Variants in DOCK4 observed in about 807,000 individuals in gnomAD.
DOCK4 encodes the protein dedicator of cytokinesis 4, also known as dedicator of cytokinesis protein 4.
A neutral mutation model predicts 268.1 loss-of-function variants in DOCK4; 97 were observed. That is an observed-to-expected ratio of 0.36 (90% CI 0.31 to 0.43). The LOEUF is 0.43. Ranked by LOEUF, DOCK4 falls within the 20% of genes least tolerant of loss-of-function variation. The probability of loss-of-function intolerance (pLI) is 1.00; values close to 1 mark genes in which losing one functional copy is unlikely to be tolerated. For synonymous variants in DOCK4, 954 were observed against 887.2 expected, an observed-to-expected ratio of 1.08 and a Z score of -1.34; for missense variants, 2,145 against 2,455.7, an observed-to-expected ratio of 0.87 and a Z score of 2.67.
chr7:112,015,108 T>C (rs536451162), intron 1 of DOCK4, among the ~76,000 whole-genome samples: 3 of 152,214 alleles, frequency 2.0e-5, no homozygotes, highest in East Asian at 1.9e-4. Flanking sequence ...CATTAGGACA[T>C]TGCTGATAAA....
intron 1 of DOCK4, among the ~76,000 whole-genome samples, chr7:112,180,350 A>G (rs907962198): frequency 6.6e-6 from 1 of 152,146 alleles, no homozygotes; most frequent in East Asian, 1.9e-4. Flanking sequence ...GCTCCTTTAC[A>G]TGTAAAAATA....
intron 17 of DOCK4, among the ~76,000 whole-genome samples, chr7:111,875,336 TTC>T (rs1365572901): frequency 6.6e-6 from 1 of 152,210 alleles, no homozygotes; most frequent in Non-Finnish European, 1.5e-5. Flanking sequence ...CAGGATTTGT[TTC>T]TGTCTTATTT....
chr7:111,912,409 G>C (rs963457582), intron 13 of DOCK4, among the ~76,000 whole-genome samples: 2 of 152,056 alleles, frequency 1.3e-5, no homozygotes, highest in Non-Finnish European at 2.9e-5. Flanking sequence ...GTAGACAAAA[G>C]GGCAGAAGCT....
chr7:111,896,109 A>G (rs1373792341), intron 15 of DOCK4, among the ~76,000 whole-genome samples: 1 of 152,210 alleles, frequency 6.6e-6, no homozygotes, highest in African/African-American at 2.4e-5. Flanking sequence ...GAACAAGTGA[A>G]TGAATGAAAG....
At chr7:112,125,701 C>T (rs996719566) in intron 1 of DOCK4, among the ~76,000 whole-genome samples, 3 of 152,154 alleles carry the variant, frequency 2.0e-5, no homozygotes, top group African/African-American at 7.2e-5. Context: ...AGTATCTAGT[C>T]ATAGATCTGC....
chr7:111,899,367 T>C (rs1790937943), intron 15 of DOCK4, among the ~76,000 whole-genome samples: 1 of 152,212 alleles, frequency 6.6e-6, no homozygotes, highest in African/African-American at 2.4e-5. Flanking sequence ...ATCTCTCGTT[T>C]GTTGTACTGC....
chr7:112,032,461 T>A (rs1803364347), intron 1 of DOCK4, among the ~76,000 whole-genome samples: 1 of 152,228 alleles, frequency 6.6e-6, no homozygotes, highest in Non-Finnish European at 1.5e-5. Context: ...ATGTTTCACA[T>A]AAATGCTCTC....
chr7:111,836,004 A>G (rs1803213012), intron 25 of DOCK4, among the ~76,000 whole-genome samples: 2 of 152,190 alleles, frequency 1.3e-5, no homozygotes, highest in Non-Finnish European at 2.9e-5. Flanking sequence ...ACATCCTTCA[A>G]GCTCAACATA....
intron 8 of DOCK4, among the ~76,000 whole-genome samples, chr7:111,968,437 C>G (rs1427927927): frequency 2.3e-5 from 2 of 86,138 alleles, no homozygotes; most frequent in Non-Finnish European, 4.2e-5. Context: ...GACATTTATG[C>G]AGCCAAAAAA....
intron 30 of DOCK4, among the ~76,000 whole-genome samples, chr7:111,795,746 G>A (rs1398189645): frequency 6.6e-6 from 1 of 152,182 alleles, no homozygotes; most frequent in African/African-American, 2.4e-5. Context: ...ACAGGGTCCT[G>A]CCTACCCTCT....
intron 8 of DOCK4, among the ~76,000 whole-genome samples, chr7:111,949,133 T>C (rs575294657): frequency 2.6e-4 from 39 of 152,306 alleles, no homozygotes; most frequent in African/African-American, 8.7e-4. Context: ...TCCTATATCA[T>C]GGACAGCATG....
rs1158011932 is a variant in DOCK4 at position 111,869,651 on chromosome 7, G to C, written c.2032C>G (p.Leu678Val). 6.2e-7 allele frequency: 1 copy of C among 1,612,952 alleles called. No homozygotes were observed. Among genetic ancestry groups the C allele is most frequent in the Non-Finnish European group, 8.5e-7 (1 of 1,179,140 alleles). ...ACGTACCATTTGAGCACTTTGATGA[G>C]ATCTCTAAAATACAGGGGAAAATGT... ...HFAGALAYRD[L>V]IKVLKWYVDR... The change falls in exon 21 of 53, where the codon CTC (leucine) becomes GTC (valine). Residue 678 changes from leucine (L) to valine (V), a missense_variant. Coordinates refer to ENST00000428084, the MANE Select transcript of DOCK4 (RefSeq NM_001363540.2).
At chr7:111,993,423 C>T (rs1237689443) in intron 5 of DOCK4, among the ~76,000 whole-genome samples, 2 of 152,196 alleles carry the variant, frequency 1.3e-5, no homozygotes, top group Non-Finnish European at 2.9e-5. Context: ...AGAGTGACAG[C>T]ACCATATTCA....
chr7:111,971,029 T>C (rs1051231408), intron 8 of DOCK4, among the ~76,000 whole-genome samples: 61 of 152,236 alleles, frequency 4.0e-4, no homozygotes, highest in Non-Finnish European at 7.5e-4. Context: ...AGATACTACA[T>C]GCTTCATAAT....
intron 42 of DOCK4, among the ~76,000 whole-genome samples, chr7:111,751,264 C>T (rs1434179380): frequency 6.6e-6 from 1 of 152,122 alleles, no homozygotes; most frequent in Non-Finnish European, 1.5e-5. Flanking sequence ...ATGCAGTCTG[C>T]AGAATCCACA....
chr7:112,094,780 G>GGAT (rs1293754948), intron 1 of DOCK4, among the ~76,000 whole-genome samples: 1 of 152,084 alleles, frequency 6.6e-6, no homozygotes, highest in Non-Finnish European at 1.5e-5. Context: ...TCATGGGGAT[G>GGAT]GATCCCTCAT....
chr7:112,103,457 G>A (rs998763970), intron 1 of DOCK4, among the ~76,000 whole-genome samples: 7 of 152,106 alleles, frequency 4.6e-5, no homozygotes, highest in Non-Finnish European at 1.0e-4. Context: ...GTGATCTCCT[G>A]GGCCTCAGGA....
At chr7:112,024,075 G>A (rs974720613) in intron 1 of DOCK4, among the ~76,000 whole-genome samples, 29 of 152,062 alleles carry the variant, frequency 1.9e-4, no homozygotes, top group African/African-American at 4.3e-4. Context: ...TTTTCATCTC[G>A]ACTTGTTTTT....
At chr7:112,087,180 C>T (rs1306999949) in intron 1 of DOCK4, among the ~76,000 whole-genome samples, 1 of 152,010 alleles carries the variant, frequency 6.6e-6, no homozygotes, top group Non-Finnish European at 1.5e-5. Flanking sequence ...TTTTCAACAC[C>T]TGTAGTTCTT....
Sources: allele counts gnomAD v4.1 joint callset (sites outside exome capture counted in the v4.1 genomes callset), GRCh38; gene constraint gnomAD v4.1.1; transcripts MANE v1.5; gene names NCBI Gene and HGNC (gene_info 2026-07-23, HGNC 2026-07-21).